Variants in TRAK1 observed in about 807,000 individuals in gnomAD.
TRAK1 encodes trafficking kinesin-binding protein 1.
A neutral mutation model predicts 92.1 loss-of-function variants in TRAK1; 33 were observed. The observed-to-expected ratio is 0.36, with a 90% CI of 0.27 to 0.48. The LOEUF (loss-of-function observed/expected upper bound fraction) is 0.48, where lower values mean the gene tolerates loss of function less well. TRAK1 is among the 20% of genes least tolerant of loss of function. TRAK1 has a pLI of 0.99. For synonymous variants in TRAK1, 521 were observed against 517.3 expected, an observed-to-expected ratio of 1.01 and a Z score of -0.10; for missense variants, 1,123 against 1,257.9, an observed-to-expected ratio of 0.89 and a Z score of 1.62.
intron 3 of TRAK1, among the ~76,000 whole-genome samples, chr3:42,184,121 T>C (rs1457652909): frequency 6.6e-6 from 1 of 152,240 alleles, no homozygotes; most frequent in African/African-American, 2.4e-5. Context: ...AGCATGTAAT[T>C]GTTTTTGAGA....
intron 1 of TRAK1, among the ~76,000 whole-genome samples, chr3:42,017,055 T>G (rs1035615535): frequency 6.6e-6 from 1 of 151,926 alleles, no homozygotes; most frequent in Non-Finnish European, 1.5e-5. Flanking sequence ...AGCTCAGGAG[T>G]TCGAGACCAG....
At chr3:42,098,528 C>T (rs985486576) in intron 1 of TRAK1, among the ~76,000 whole-genome samples, 6 of 152,124 alleles carry the variant, frequency 3.9e-5, no homozygotes, top group Non-Finnish European at 7.4e-5. Flanking sequence ...GGCTGAAGAC[C>T]GTGAGTTCTG....
intron 2 of TRAK1, among the ~76,000 whole-genome samples, chr3:42,165,164 G>A (rs925454629): frequency 2.0e-5 from 3 of 152,184 alleles, no homozygotes; most frequent in African/African-American, 7.2e-5. Context: ...TTTGCTGAGT[G>A]TTCTCATGAC....
At chr3:42,209,285 G>C (rs958491545) in intron 13 of TRAK1, among the ~76,000 whole-genome samples, 2 of 152,014 alleles carry the variant, frequency 1.3e-5, no homozygotes, top group Non-Finnish European at 2.9e-5. Context: ...GTTGGTCGTG[G>C]GCTTGGTTTG....
At position 42,199,369 on chromosome 3, in the gene TRAK1, T is replaced by G. The variant is rs545592383; in HGVS notation, c.1190+116T>G. On this transcript the variant is annotated intron_variant, in intron 11 of 15. Transcript: ENST00000327628. ...TACCGACAGTGATTGACTATTGTCC[T>G]TCCCAGTCCAGATTAAGGGAAATAA... 14 of 951,488 alleles carry G rather than the reference T, an allele frequency of 1.5e-5. No homozygotes were observed. The East Asian group carries it at 2.1e-4, about 14-fold the overall frequency. The allele number at this position is 951,488 out of a possible 1,614,324, so 58.9% of individuals were successfully genotyped here.
At chr3:42,149,091 A>T in intron 2 of TRAK1, 1 of 710,544 alleles carries the variant, frequency 1.4e-6, no homozygotes, top group Non-Finnish European at 1.7e-6. Flanking sequence ...ATCATTTTTC[A>T]GAGCCGGCCA....
chr3:42,092,714 T>TTGTGTTATGA (rs1559754201), intron 1 of TRAK1, among the ~76,000 whole-genome samples: 1 of 108,018 alleles, frequency 9.3e-6, no homozygotes, highest in African/African-American at 3.0e-5. Flanking sequence ...TTGTGTTGTG[T>TTGTGTTATGA]TATGTTATGT....
At chr3:42,148,316 T>A (rs1285851044) in intron 2 of TRAK1, among the ~76,000 whole-genome samples, 1 of 152,164 alleles carries the variant, frequency 6.6e-6, no homozygotes, top group Non-Finnish European at 1.5e-5. Context: ...CAGCAAGAAT[T>A]ACCTAACCTC....
At chr3:42,038,451 C>CTGTTATTTTTAAAATA (rs1702405483) in intron 1 of TRAK1, among the ~76,000 whole-genome samples, 1 of 152,134 alleles carries the variant, frequency 6.6e-6, no homozygotes, top group Non-Finnish European at 1.5e-5. Context: ...CAGCTGGGAC[C>CTGTTATTTTTAAAATA]ACAGGTGTGT....
At chr3:42,220,684 C>T in intron 15 of TRAK1, 1 of 823,472 alleles carries the variant, frequency 1.2e-6, no homozygotes, top group Non-Finnish European at 1.5e-6. Context: ...GGGACTTAGG[C>T]TTGGATGTGT....
At chr3:42,077,433 T>A (rs1247672960) in intron 1 of TRAK1, among the ~76,000 whole-genome samples, 2 of 152,174 alleles carry the variant, frequency 1.3e-5, no homozygotes, top group Non-Finnish European at 2.9e-5. Context: ...GGATTACAGA[T>A]GTGTGCCACC....
chr3:42,104,418 G>A (rs1187248706), intron 1 of TRAK1, among the ~76,000 whole-genome samples: 3 of 152,286 alleles, frequency 2.0e-5, no homozygotes, highest in Middle Eastern at 3.4e-3. Flanking sequence ...CCTGACCACC[G>A]AGTAGCCTAA....
intron 1 of TRAK1, among the ~76,000 whole-genome samples, chr3:42,063,900 CTG>C (rs536802084): frequency 4.3e-4 from 66 of 152,286 alleles, no homozygotes; most frequent in African/African-American, 1.5e-3. Flanking sequence ...AGAAGTGACA[CTG>C]TGTAACTTTT....
chr3:42,071,374 A>G (rs1703924504), intron 1 of TRAK1, among the ~76,000 whole-genome samples: 1 of 152,098 alleles, frequency 6.6e-6, no homozygotes, highest in Non-Finnish European at 1.5e-5. Context: ...AGGCCTGTTC[A>G]CTGGGAGGCA....
chr3:42,032,488 A>G (rs1343411989), intron 1 of TRAK1, among the ~76,000 whole-genome samples: 1 of 152,078 alleles, frequency 6.6e-6, no homozygotes, highest in Non-Finnish European at 1.5e-5. Context: ...CTGAAAAAAA[A>G]AAAAAAAACC....
intron 2 of TRAK1, among the ~76,000 whole-genome samples, chr3:42,154,729 C>G (rs1413683531): frequency 1.3e-5 from 2 of 152,164 alleles, no homozygotes; most frequent in Non-Finnish European, 2.9e-5. Flanking sequence ...CTTTGCCCAG[C>G]CTTATTTGTT....
chr3:42,036,386 A>G (rs1702327133), intron 1 of TRAK1, among the ~76,000 whole-genome samples: 1 of 152,200 alleles, frequency 6.6e-6, no homozygotes, highest in South Asian at 2.1e-4. Flanking sequence ...TTCAATCTTC[A>G]CTTAGTGGGT....
chr3:42,031,865 A>G (rs1315858802), intron 1 of TRAK1, among the ~76,000 whole-genome samples: 1 of 152,162 alleles, frequency 6.6e-6, no homozygotes, highest in Non-Finnish European at 1.5e-5. Flanking sequence ...CAGGGAGAGT[A>G]TAAAAAGATT....
At chr3:42,205,382 T>C (rs1327464987) in intron 13 of TRAK1, among the ~76,000 whole-genome samples, 1 of 152,196 alleles carries the variant, frequency 6.6e-6, no homozygotes, top group Non-Finnish European at 1.5e-5. Flanking sequence ...TCATAGCAGA[T>C]AGCCAATCAG....
Sources: allele counts gnomAD v4.1 joint callset (sites outside exome capture counted in the v4.1 genomes callset), GRCh38; gene constraint gnomAD v4.1.1; transcripts MANE v1.5; gene names NCBI Gene and HGNC (gene_info 2026-07-23, HGNC 2026-07-21).